XPA: variants seen among roughly 807,000 people sequenced by gnomAD.
The protein encoded by XPA is XPA, DNA damage recognition and repair factor, also known as DNA repair protein complementing XP-A cells.
A neutral mutation model predicts 35.7 loss-of-function variants in XPA; 27 were observed. The ratio of observed to expected loss-of-function variants is 0.76; its 90% CI spans 0.56 to 1.04. The LOEUF (loss-of-function observed/expected upper bound fraction) is 1.04, where lower values mean the gene tolerates loss of function less well. XPA is among the 50% of genes least tolerant of loss of function. XPA has a pLI of 0.00. For synonymous variants in XPA, 133 were observed against 118.4 expected (o/e 1.12, Z -0.80); for missense variants, 354 against 342.7 (o/e 1.03, Z -0.26).
chr9:97,676,261 G>A (rs2131380282), intron 5 of XPA, among the ~76,000 whole-genome samples: 1 of 152,338 alleles, frequency 6.6e-6, no homozygotes, highest in South Asian at 2.1e-4. Context: ...ACTGAGCAAA[G>A]ATAGTTTAAC....
the XPA span, chr9:97,654,806 T>C: frequency 8.0e-7 from 1 of 1,257,830 alleles, no homozygotes. Flanking sequence ...TGAAATGTTT[T>C]ATTTCTATTC....
chr9:97,694,260 G>A (rs996224959), intron 1 of XPA, among the ~76,000 whole-genome samples: 4 of 152,254 alleles, frequency 2.6e-5, no homozygotes, highest in East Asian at 1.9e-4. Flanking sequence ...GTGTGCGTGC[G>A]CACGTGTGCA....
chr9:97,688,218 G>C (rs565350092), intron 3 of XPA, among the ~76,000 whole-genome samples: 1 of 152,144 alleles, frequency 6.6e-6, no homozygotes, highest in Non-Finnish European at 1.5e-5. Context: ...GGAGGCACTA[G>C]GTAAGAATCC....
chr9:97,672,148 G>A (rs1053561324), downstream of XPA: 1 of 152,164 alleles, frequency 6.6e-6, no homozygotes, highest in East Asian at 1.9e-4. Flanking sequence ...GCTGAAATAA[G>A]ATGACAGCAG....
chr9:97,692,120 C>T (rs982550001), intron 2 of XPA, among the ~76,000 whole-genome samples: 5 of 151,364 alleles, frequency 3.3e-5, no homozygotes, highest in Non-Finnish European at 7.4e-5. Context: ...GGAGAAACCC[C>T]GTCTCTACTA....
At chr9:97,655,151 C>T in the XPA span, among the ~76,000 whole-genome samples, 4 of 152,066 alleles carry the variant, frequency 2.6e-5, no homozygotes, top group Non-Finnish European at 5.9e-5. Context: ...TAATTTCATT[C>T]TCTAGTCAAG....
the XPA span, chr9:97,661,132 ACT>A: frequency 3.8e-6 from 6 of 1,583,248 alleles, no homozygotes; most frequent in South Asian, 1.1e-5. Context: ...CATAAACATA[ACT>A]CTGGCAACAT....
chr9:97,664,843 A>C, the XPA span, among the ~76,000 whole-genome samples: 4 of 152,228 alleles, frequency 2.6e-5, no homozygotes, highest in African/African-American at 9.6e-5. Flanking sequence ...ATCAAAGTCA[A>C]AGTAGAGTAA....
downstream of XPA, chr9:97,674,820 C>T (rs1013497914): frequency 2.6e-6 from 1 of 390,634 alleles, no homozygotes; most frequent in East Asian, 5.1e-5. Flanking sequence ...ATGAAAACAG[C>T]TCTTTTCCAT....
At chr9:97,669,239 G>A in the XPA span, among the ~76,000 whole-genome samples, 1 of 151,358 alleles carries the variant, frequency 6.6e-6, no homozygotes, top group Non-Finnish European at 1.5e-5. Flanking sequence ...TTTTATATAT[G>A]TCTCGTTTAA....
rs561323470 is a variant in XPA at position 97,677,854 on chromosome 9, A to G, written c.674-2267T>C. 7.9e-5 allele frequency among the ~76,000 whole-genome samples: 12 copies of G among 152,192 alleles called. No homozygotes were observed. The East Asian group carries it at 9.7e-4, about 12-fold the overall frequency. On this transcript the variant is annotated intron_variant, in intron 5 of 5. Coordinates refer to ENST00000375128, the MANE Select transcript of XPA (RefSeq NM_000380.4). The stretch of plus-strand genomic sequence containing the variant: ...GAGCCCAAGAAAAAGGGCTCCCTCC[A>G]GAAGAGGAGGCAGCAACAGTAATGG...
At chr9:97,658,777 A>G in the XPA span, 3 of 1,461,012 alleles carry the variant, frequency 2.1e-6, no homozygotes, top group Non-Finnish European at 2.9e-6. Context: ...TGTCTTTAAA[A>G]GGTACCAGTT....
chr9:97,668,284 T>C, the XPA span, among the ~76,000 whole-genome samples: 3 of 152,204 alleles, frequency 2.0e-5, no homozygotes, highest in Non-Finnish European at 4.4e-5. Flanking sequence ...TTCTTTTCCT[T>C]TAAAAAGAAA....
In XPA at chr9:97,693,850, A is replaced by G. The variant is rs1828965069; in HGVS notation, c.173-91T>C. On this transcript the variant is annotated intron_variant, in intron 1 of 5. Coordinates refer to ENST00000375128, the MANE Select transcript of XPA (RefSeq NM_000380.4). Reference sequence around the variant, plus strand: ...AATAGAAAATTCCTTTGAATTCAATATATCTCAAACAACACAAGGATGTCC... The same window carrying G: ...AATAGAAAATTCCTTTGAATTCAATGTATCTCAAACAACACAAGGATGTCC... 30 of 1,171,204 alleles carry G rather than the reference A, an allele frequency of 2.6e-5. 1 individual carries two copies. In the Middle Eastern group the frequency reaches 7.2e-4, roughly 28 times the overall value. The allele number at this position is 1,171,204 out of a possible 1,614,324, so 72.6% of individuals were successfully genotyped here.
chr9:97,679,901 A>G (rs939178510), intron 5 of XPA, among the ~76,000 whole-genome samples: 2 of 152,196 alleles, frequency 1.3e-5, no homozygotes, highest in Non-Finnish European at 2.9e-5. Flanking sequence ...TTCCTACCAA[A>G]AACATTCGAC....
intron 1 of XPA, 48 bp downstream of exon 1, chr9:97,697,073 C>CCGGGGAGGCGGGGAGAGGGAAGGGGAAAG (rs1564052419): frequency 6.7e-7 from 1 of 1,502,318 alleles, no homozygotes; most frequent in Admixed American, 2.1e-5. Flanking sequence ...AGTCTGGGGA[C>CCGGGGAGGCGGGGAGAGGGAAGGGGAAAG]CGGGGAGGCG....
downstream of XPA, among the ~76,000 whole-genome samples, chr9:97,673,950 A>G (rs1412780458): frequency 1.3e-5 from 2 of 152,214 alleles, no homozygotes; most frequent in East Asian, 3.9e-4. Flanking sequence ...TTGGTAATAC[A>G]TGCTCATTAA....
chr9:97,681,690 G>A (rs1030198638), intron 5 of XPA, among the ~76,000 whole-genome samples: 9 of 152,070 alleles, frequency 5.9e-5, no homozygotes, highest in Admixed American at 4.6e-4. Flanking sequence ...CCAGCTGAAC[G>A]TTCCCATCTA....
downstream of XPA, chr9:97,674,808 C>A: frequency 2.6e-6 from 1 of 386,694 alleles, no homozygotes; most frequent in East Asian, 5.1e-5. Flanking sequence ...AGATAGTCAA[C>A]CATGAAAACA....
Sources: allele counts gnomAD v4.1 joint callset (sites outside exome capture counted in the v4.1 genomes callset), GRCh38; gene constraint gnomAD v4.1.1; transcripts MANE v1.5; gene names NCBI Gene and HGNC (gene_info 2026-07-23, HGNC 2026-07-21).